UBE3A: variants seen among roughly 807,000 people sequenced by gnomAD.
UBE3A encodes the protein ubiquitin protein ligase E3A.
Under a neutral mutation model 83.4 loss-of-function variants are expected in UBE3A, and 6 were observed. The observed-to-expected ratio is 0.07, with a 90% CI of 0.04 to 0.14. UBE3A has a LOEUF of 0.14. UBE3A is among the 10% of genes least tolerant of loss of function. UBE3A has a pLI of 1.00. For synonymous variants in UBE3A, 337 were observed against 355.4 expected, an observed-to-expected ratio of 0.95 and a Z score of 0.58; for missense variants, 456 against 1,036.1, an observed-to-expected ratio of 0.44 and a Z score of 7.69.
chr15:25,435,231 TACAC>T (rs56786510), intron 1 of UBE3A, among the ~76,000 whole-genome samples: 8,549 of 143,228 alleles, frequency 0.06, 263 homozygotes, highest in Middle Eastern at 0.095. Context: ...GATAGGGTTT[TACAC>T]ACACACACAC....
intron 11 of UBE3A, among the ~76,000 whole-genome samples, chr15:25,353,043 CTTT>C (rs1354822499): frequency 6.6e-6 from 1 of 152,132 alleles, no homozygotes; most frequent in East Asian, 1.9e-4. Flanking sequence ...CAAGATATGA[CTTT>C]TTTTCCTACT....
At chr15:25,367,008 C>A (rs968302080) in intron 6 of UBE3A, among the ~76,000 whole-genome samples, 2 of 151,322 alleles carry the variant, frequency 1.3e-5, no homozygotes, top group African/African-American at 2.4e-5. Context: ...GTTTGAGGGA[C>A]CTCATGATGG....
intron 11 of UBE3A, among the ~76,000 whole-genome samples, chr15:25,347,931 G>C (rs189993872): frequency 9.2e-4 from 140 of 152,126 alleles, no homozygotes; most frequent in African/African-American, 3.3e-3. Flanking sequence ...GAGACTAACA[G>C]TTTTTATTAA....
At chr15:25,431,037 T>A (rs1219675389) in intron 1 of UBE3A, among the ~76,000 whole-genome samples, 1 of 152,256 alleles carries the variant, frequency 6.6e-6, no homozygotes, top group Non-Finnish European at 1.5e-5. Flanking sequence ...AATCTTGATT[T>A]ATGTGTATAA....
At chr15:25,379,563 A>G (rs1485278172) in intron 4 of UBE3A, among the ~76,000 whole-genome samples, 1 of 152,086 alleles carries the variant, frequency 6.6e-6, no homozygotes, top group Non-Finnish European at 1.5e-5. Context: ...TTTTTTCCTC[A>G]CTCCAATGAC....
intron 1 of UBE3A, among the ~76,000 whole-genome samples, chr15:25,437,849 A>G (rs1422405663): frequency 6.7e-6 from 1 of 148,368 alleles, no homozygotes; most frequent in Non-Finnish European, 1.5e-5. Context: ...CTACACTGAA[A>G]AGGGGGGGGA....
intron 8 of UBE3A, 151 bp from the exon 9 acceptor site, chr15:25,356,207 C>T (rs2077189433): frequency 1.1e-6 from 1 of 945,612 alleles, no homozygotes; most frequent in Non-Finnish European, 1.6e-6. Context: ...CAAATAGTTT[C>T]CAACCTATAA....
At chr15:25,366,962 T>TA (rs1310653212) in intron 6 of UBE3A, among the ~76,000 whole-genome samples, 1 of 151,866 alleles carries the variant, frequency 6.6e-6, no homozygotes, top group African/African-American at 2.4e-5. Flanking sequence ...TTTATTTATT[T>TA]TTTTTAAACA....
chr15:25,351,543 C>G (rs1425004895), intron 11 of UBE3A, among the ~76,000 whole-genome samples: 7 of 152,200 alleles, frequency 4.6e-5, no homozygotes, highest in Admixed American at 1.3e-4. Flanking sequence ...GATCTAGGCT[C>G]ACTGCAACCT....
At chr15:25,357,272 G>T in intron 7 of UBE3A, 1 of 169,488 alleles carries the variant, frequency 5.9e-6, no homozygotes, top group Admixed American at 5.8e-5. Context: ...ACAAAAAATG[G>T]CTACATTTCC....
At chr15:25,354,152 TAAC>T (rs1403441083) in intron 11 of UBE3A, 198 bp downstream of exon 11, 1 of 620,636 alleles carries the variant, frequency 1.6e-6, no homozygotes, top group Non-Finnish European at 2.8e-6. Context: ...GACTTATATA[TAAC>T]AACACTTCAT....
rs564915971 is a variant in UBE3A at position 25,339,290 on chromosome 15, AC to A, written c.2499-34del. ...GAGAAAAGGGGAAAAAAACAGGAAA[AC>A]TGTAAGTCATGGGAAATACACTTAG... On this transcript the variant is annotated intron_variant, in intron 12 of 12. Transcript: ENST00000648336. 2.5e-3 allele frequency: 3,971 copies of A among 1,607,148 alleles called. 13 individuals are homozygous for A. Among genetic ancestry groups the A allele is most frequent in the Admixed American group, 3.5e-3 (209 of 59,882 alleles).
chr15:25,352,655 C>T (rs1004271601), intron 11 of UBE3A, among the ~76,000 whole-genome samples: 2 of 152,202 alleles, frequency 1.3e-5, no homozygotes, highest in African/African-American at 2.4e-5. Flanking sequence ...AAGTGAGATA[C>T]GCCTGTAATG....
chr15:25,398,337 ACT>A (rs1047224864), intron 4 of UBE3A, among the ~76,000 whole-genome samples: 9 of 151,950 alleles, frequency 5.9e-5, no homozygotes, highest in Non-Finnish European at 2.9e-5. Context: ...TTTAAAATCT[ACT>A]CTCAGTGATT....
intron 11 of UBE3A, among the ~76,000 whole-genome samples, chr15:25,349,847 C>T (rs887839980): frequency 6.6e-6 from 1 of 152,070 alleles, no homozygotes; most frequent in Non-Finnish European, 1.5e-5. Flanking sequence ...ATCTGATAAC[C>T]AGTAGACTAA....
At chr15:25,434,969 TAC>T (rs55856025) in intron 1 of UBE3A, among the ~76,000 whole-genome samples, 5,015 of 142,882 alleles carry the variant, frequency 0.035, 156 homozygotes, top group African/African-American at 0.045. Flanking sequence ...TCTATATACA[TAC>T]ACACACACAC....
chr15:25,380,386 C>T (rs2081979124), intron 4 of UBE3A, among the ~76,000 whole-genome samples: 1 of 152,090 alleles, frequency 6.6e-6, no homozygotes, highest in Non-Finnish European at 1.5e-5. Flanking sequence ...CAAATACCAC[C>T]TGCCCTTTAC....
At chr15:25,356,664 G>A in intron 8 of UBE3A, 27 bp downstream of exon 8, 1 of 1,603,966 alleles carries the variant, frequency 6.2e-7, no homozygotes, top group Non-Finnish European at 8.5e-7. Context: ...CTAAGAGACT[G>A]AATTAAAAAA....
intron 5 of UBE3A, among the ~76,000 whole-genome samples, chr15:25,372,722 A>G (rs1259367132): frequency 6.6e-6 from 1 of 152,204 alleles, no homozygotes; most frequent in Non-Finnish European, 1.5e-5. Context: ...CATAATACTG[A>G]GAATAGTCTT....
Sources: allele counts gnomAD v4.1 joint callset (sites outside exome capture counted in the v4.1 genomes callset), GRCh38; gene constraint gnomAD v4.1.1; transcripts MANE v1.5; gene names NCBI Gene and HGNC (gene_info 2026-07-23, HGNC 2026-07-21).